PPP4R2: variants seen among roughly 807,000 people sequenced by gnomAD.
PPP4R2 encodes serine/threonine-protein phosphatase 4 regulatory subunit 2.
Under a neutral mutation model 47.2 loss-of-function variants are expected in PPP4R2, and 13 were observed. The observed-to-expected ratio is 0.28, with a 90% CI of 0.18 to 0.44. The LOEUF is 0.44. Ranked by LOEUF, PPP4R2 falls within the 20% of genes least tolerant of loss-of-function variation. PPP4R2 has a pLI of 1.00. For synonymous variants in PPP4R2, 151 were observed against 163.3 expected (o/e 0.92, Z 0.57); for missense variants, 421 against 491.2 (o/e 0.86, Z 1.35).
intron 2 of PPP4R2, among the ~76,000 whole-genome samples, chr3:73,019,915 A>T (rs981008200): frequency 6.6e-6 from 1 of 152,012 alleles, no homozygotes; most frequent in Non-Finnish European, 1.5e-5. Flanking sequence ...TTTCCACTCT[A>T]TATTAGGGGT....
chr3:73,015,343 A>G (rs1237284227), intron 2 of PPP4R2, among the ~76,000 whole-genome samples: 2 of 149,236 alleles, frequency 1.3e-5, no homozygotes, highest in African/African-American at 4.9e-5. Flanking sequence ...TGCCCAGCTG[A>G]TTTTTACATT....
chr3:73,018,597 T>C (rs1009576493), intron 2 of PPP4R2, among the ~76,000 whole-genome samples: 1 of 151,978 alleles, frequency 6.6e-6, no homozygotes, highest in African/African-American at 2.4e-5. Flanking sequence ...TCTTGGTCTT[T>C]AAAATTTTTT....
In PPP4R2 at chr3:73,023,987, C is replaced by T. The variant is rs568648976; in HGVS notation, c.117-23199C>T. ...TTTCATCATTAGTAGCTTAATTTTT[C>T]TTAATTTGTATTTTCACTAAGCATT... On this transcript the variant is annotated intron_variant, in intron 2 of 8. Coordinates refer to ENST00000356692, the MANE Select transcript of PPP4R2 (RefSeq NM_174907.4). 3.3e-5 allele frequency among the ~76,000 whole-genome samples: 5 copies of T among 152,022 alleles called. No homozygotes were observed. In the East Asian group the frequency reaches 5.8e-4, roughly 18 times the overall value.
At chr3:73,017,401 A>G (rs928402073) in intron 2 of PPP4R2, among the ~76,000 whole-genome samples, 1 of 152,172 alleles carries the variant, frequency 6.6e-6, no homozygotes, top group Admixed American at 6.5e-5. Context: ...GTCACAGGCC[A>G]CTGCTGATAC....
In PPP4R2 at chr3:73,065,210, G is replaced by A. The variant is rs567015030; in HGVS notation, c.928+69G>A. The A allele has an allele frequency of 4.7e-5, 68 of 1,457,696 alleles. No individual in the cohort carries two copies. In the South Asian group the frequency reaches 6.6e-4, roughly 14 times the overall value. 90.3% of individuals were successfully genotyped at this position (1,457,696 alleles called of 1,614,324 possible). ...CAAATTCTTGTACTTCATTTTTTTC[G>A]TGAAAGAATTTTACGTAATGGAACT... On this transcript the variant is annotated intron_variant, in intron 8 of 8. Coordinates refer to ENST00000356692, the MANE Select transcript of PPP4R2 (RefSeq NM_174907.4).
At chr3:73,001,286 A>G (rs1701451548) in intron 2 of PPP4R2, among the ~76,000 whole-genome samples, 1 of 152,092 alleles carries the variant, frequency 6.6e-6, no homozygotes, top group Non-Finnish European at 1.5e-5. Context: ...GGCCAGGTGC[A>G]GTGATTCATG....
At chr3:73,060,698 A>G (rs950385594) in intron 4 of PPP4R2, among the ~76,000 whole-genome samples, 1 of 152,206 alleles carries the variant, frequency 6.6e-6, no homozygotes, top group Non-Finnish European at 1.5e-5. Flanking sequence ...TCAATCTCTC[A>G]ACATCTTTGT....
chr3:73,026,446 C>T (rs542561925), intron 2 of PPP4R2, among the ~76,000 whole-genome samples: 1 of 152,286 alleles, frequency 6.6e-6, no homozygotes, highest in African/African-American at 2.4e-5. Flanking sequence ...AGATGTGACT[C>T]AGCCCACTTC....
chr3:73,054,803 C>A (rs137958315), intron 3 of PPP4R2, among the ~76,000 whole-genome samples: 5 of 151,880 alleles, frequency 3.3e-5, no homozygotes, highest in African/African-American at 1.2e-4. Flanking sequence ...TTTTGAGTGC[C>A]TTGTCAACTT....
At chr3:73,050,970 A>G (rs1432571965) in intron 3 of PPP4R2, among the ~76,000 whole-genome samples, 2 of 152,082 alleles carry the variant, frequency 1.3e-5, no homozygotes, top group African/African-American at 2.4e-5. Context: ...GCTGGAGTGC[A>G]ATGGAACGAT....
chr3:73,046,158 A>G (rs888383762), intron 2 of PPP4R2, among the ~76,000 whole-genome samples: 1 of 152,150 alleles, frequency 6.6e-6, no homozygotes, highest in African/African-American at 2.4e-5. Context: ...TGCTACATGG[A>G]TTATCAGTTT....
intron 1 of PPP4R2, among the ~76,000 whole-genome samples, chr3:72,997,654 A>ATTC (rs1701378474): frequency 6.6e-6 from 1 of 152,200 alleles, no homozygotes; most frequent in African/African-American, 2.4e-5. Context: ...TTTGAGAATT[A>ATTC]TTCTTTGACA....
intron 2 of PPP4R2, among the ~76,000 whole-genome samples, chr3:73,041,680 T>C (rs1043729828): frequency 1.3e-5 from 2 of 152,244 alleles, no homozygotes; most frequent in South Asian, 2.1e-4. Context: ...TTTGTTGTGC[T>C]CTTAGTGTTC....
At chr3:73,064,813 A>G in intron 7 of PPP4R2, 39 bp from the exon 8 acceptor site, 1 of 1,517,650 alleles carries the variant, frequency 6.6e-7, no homozygotes, top group East Asian at 2.3e-5. Flanking sequence ...AGATGGGGAA[A>G]ATAATCTTAT....
intron 2 of PPP4R2, among the ~76,000 whole-genome samples, chr3:73,032,887 A>T (rs987743771): frequency 3.3e-5 from 5 of 151,898 alleles, no homozygotes; most frequent in African/African-American, 7.3e-5. Context: ...CCCAAATTTT[A>T]GTTGTTTATA....
intron 2 of PPP4R2, among the ~76,000 whole-genome samples, chr3:73,033,945 A>G (rs986166279): frequency 1.1e-4 from 16 of 152,236 alleles, no homozygotes; most frequent in African/African-American, 3.9e-4. Context: ...TTGCTGGATC[A>G]TACGGTAGTT....
At chr3:73,063,435 C>T (rs1235273153) in intron 5 of PPP4R2, 5 of 377,644 alleles carry the variant, frequency 1.3e-5, no homozygotes, top group Non-Finnish European at 2.0e-5. Flanking sequence ...GCTAGCCTGG[C>T]CAACATGGCA....
intron 3 of PPP4R2, among the ~76,000 whole-genome samples, chr3:73,055,448 G>A (rs903226404): frequency 2.2e-5 from 3 of 134,468 alleles, no homozygotes; most frequent in Admixed American, 1.5e-4. Context: ...GTGTGTGTGT[G>A]TGTGTGTATT....
At chr3:73,027,617 G>C (rs1057367867) in intron 2 of PPP4R2, among the ~76,000 whole-genome samples, 1 of 151,660 alleles carries the variant, frequency 6.6e-6, no homozygotes, top group East Asian at 1.9e-4. Context: ...GCCAGACTTT[G>C]TATTTGTTTT....
Sources: gnomAD v4.1 joint callset for allele counts (sites outside exome capture counted in the v4.1 genomes callset) on GRCh38, gnomAD v4.1.1 for gene constraint, MANE v1.5 for transcripts, NCBI Gene and HGNC (gene_info 2026-07-23, HGNC 2026-07-21) for gene names.